Variants in FOXP1 observed in about 807,000 individuals in gnomAD.
FOXP1 encodes forkhead box P1.
Under a neutral mutation model 98.2 loss-of-function variants are expected in FOXP1, and 15 were observed. That is an observed-to-expected ratio of 0.15 (90% CI 0.10 to 0.24). The LOEUF (loss-of-function observed/expected upper bound fraction) is 0.24. Ranked by LOEUF, FOXP1 falls within the 10% of genes least tolerant of loss-of-function variation. The pLI, the probability that FOXP1 is intolerant of heterozygous loss-of-function variation, is 1.00. For synonymous variants in FOXP1, 371 were observed against 314.5 expected (o/e 1.18, Z -1.90); for missense variants, 633 against 848.5 (o/e 0.75, Z 3.15).
At chr3:71,524,092 C>T (rs190460067) in intron 2 of FOXP1, among the ~76,000 whole-genome samples, 1 of 152,298 alleles carries the variant, frequency 6.6e-6, no homozygotes, top group East Asian at 1.9e-4. Flanking sequence ...GGGACAGACA[C>T]TTTTCCAGAA....
At chr3:71,124,249 A>G (rs1385421009) in intron 6 of FOXP1, among the ~76,000 whole-genome samples, 1 of 151,590 alleles carries the variant, frequency 6.6e-6, no homozygotes, top group Non-Finnish European at 1.5e-5. Flanking sequence ...TAGTCGTTTG[A>G]CAGGCCCAAC....
chr3:71,013,198 T>TA (rs2043917763), intron 12 of FOXP1, among the ~76,000 whole-genome samples: 1 of 152,140 alleles, frequency 6.6e-6, no homozygotes, highest in African/African-American at 2.4e-5. Flanking sequence ...TAGAAATTGT[T>TA]ACTCCACTTT....
chr3:71,036,358 C>T (rs1181244779), intron 11 of FOXP1, among the ~76,000 whole-genome samples: 1 of 152,090 alleles, frequency 6.6e-6, no homozygotes, highest in Non-Finnish European at 1.5e-5. Context: ...TAATATGATA[C>T]CTCAAAAAAG....
At chr3:71,171,285 GA>G (rs1230783605) in intron 6 of FOXP1, among the ~76,000 whole-genome samples, 1 of 152,058 alleles carries the variant, frequency 6.6e-6, no homozygotes, top group Non-Finnish European at 1.5e-5. Context: ...TAGAAGAAAT[GA>G]AGTCCCCAGG....
chr3:71,374,076 C>G (rs1215267706), intron 3 of FOXP1, among the ~76,000 whole-genome samples: 1 of 152,012 alleles, frequency 6.6e-6, no homozygotes, highest in Non-Finnish European at 1.5e-5. Flanking sequence ...ACAAACTGTT[C>G]AATTAAGAAA....
At chr3:71,558,859 C>T (rs535710872) in intron 2 of FOXP1, among the ~76,000 whole-genome samples, 4 of 141,844 alleles carry the variant, frequency 2.8e-5, no homozygotes, top group South Asian at 2.2e-4. Context: ...CTGGAGTGCA[C>T]TGGTGCGATC....
chr3:71,316,711 G>A (rs113131436), intron 4 of FOXP1, among the ~76,000 whole-genome samples: 1 of 150,534 alleles, frequency 6.6e-6, no homozygotes, highest in Non-Finnish European at 1.5e-5. Context: ...AGGCTGGAGC[G>A]CAGTGGTGCG....
At chr3:71,047,768 G>A (rs1233175655) in intron 9 of FOXP1, among the ~76,000 whole-genome samples, 1 of 152,192 alleles carries the variant, frequency 6.6e-6, no homozygotes, top group African/African-American at 2.4e-5. Flanking sequence ...CATGGCTTTA[G>A]TCTCAGAAAC....
chr3:70,956,732 G>GTTTTTGTTTTT lies in FOXP1; in HGVS notation c.*2514_*2515insAAAAACAAAAA, dbSNP rs2031901100. The GTTTTTGTTTTT allele has an allele frequency of 3.1e-5, 1 of 32,686 alleles. No individual in the cohort carries two copies. The highest frequency in any genetic ancestry group is 4.9e-4 in the Admixed American group (1 of 2,028). The allele number at this position is 32,686 out of a possible 1,614,324, so 2.0% of individuals were successfully genotyped here. On this transcript the variant is annotated 3_prime_UTR_variant, in exon 21 of 21. Coordinates refer to ENST00000649528, the MANE Select transcript of FOXP1 (RefSeq NM_001349338.3). ...GCACATCATGAAGCTGCCTGGAAAA[G>GTTTTTGTTTTT]TTTTTTTTTTTTTTTTTTTTTTTTT...
At chr3:71,105,000 T>C (rs1284833734) in intron 7 of FOXP1, among the ~76,000 whole-genome samples, 1 of 152,256 alleles carries the variant, frequency 6.6e-6, no homozygotes, top group African/African-American at 2.4e-5. Flanking sequence ...GTTGTAGAGA[T>C]GCCTCATACC....
Position 71,116,939 on chromosome 3 carries a change from G to A in FOXP1, c.181-4302C>T, listed in dbSNP as rs562795184. ...GATCAGTGGAAAATGTGGAATGACT[G>A]ATGGGATCCCCTTTGGAATCTGTGT... On this transcript the variant is annotated intron_variant, in intron 6 of 20. Transcript: ENST00000649528. 3.3e-5 allele frequency among the ~76,000 whole-genome samples: 5 copies of A among 152,240 alleles called. No individual in the cohort carries two copies. In the East Asian group the frequency reaches 7.7e-4, roughly 23 times the overall value.
intron 17 of FOXP1, among the ~76,000 whole-genome samples, chr3:70,975,887 C>CCTGGGAATGAGGTAAGCCAT (rs1244403830): frequency 6.6e-6 from 1 of 152,078 alleles, no homozygotes; most frequent in Non-Finnish European, 1.5e-5. Context: ...CAGCTGCTGA[C>CCTGGGAATGAGGTAAGCCAT]CTGGGAATGA....
intron 4 of FOXP1, among the ~76,000 whole-genome samples, chr3:71,347,777 C>T (rs1313004092): frequency 1.3e-5 from 2 of 151,760 alleles, no homozygotes; most frequent in African/African-American, 2.4e-5. Flanking sequence ...TCCAGCTACT[C>T]GGAGGGCTGA....
chr3:71,021,056 T>C (rs1390281688), intron 11 of FOXP1, among the ~76,000 whole-genome samples: 2 of 152,244 alleles, frequency 1.3e-5, no homozygotes, highest in Non-Finnish European at 2.9e-5. Flanking sequence ...TACTGAGTTA[T>C]AGTTTACATA....
chr3:71,163,715 G>A (rs1560046566), intron 6 of FOXP1, among the ~76,000 whole-genome samples: 1 of 152,100 alleles, frequency 6.6e-6, no homozygotes, highest in Non-Finnish European at 1.5e-5. Context: ...TCATTCCTAT[G>A]TGTAAAATTC....
At chr3:71,183,825 A>G (rs2062478440) in intron 6 of FOXP1, among the ~76,000 whole-genome samples, 1 of 152,076 alleles carries the variant, frequency 6.6e-6, no homozygotes, top group Non-Finnish European at 1.5e-5. Context: ...AGAATAAAGT[A>G]CTTTAGGGGT....
chr3:71,315,697 A>G (rs2075036920), intron 4 of FOXP1, among the ~76,000 whole-genome samples: 3 of 152,316 alleles, frequency 2.0e-5, no homozygotes, highest in Admixed American at 6.5e-5. Context: ...CTCCCAATTC[A>G]TAGAGAAAAG....
chr3:71,482,839 T>G (rs898300413), intron 3 of FOXP1, among the ~76,000 whole-genome samples: 9 of 152,000 alleles, frequency 5.9e-5, no homozygotes, highest in African/African-American at 2.2e-4. Context: ...TGTCACTTTT[T>G]TTTTTTTTTA....
At position 71,062,204 on chromosome 3, in the gene FOXP1, C is replaced by T. The variant is rs2051606696; in HGVS notation, c.283-8431G>A. Among the ~76,000 whole-genome samples, 5 of 152,138 alleles carry T rather than the reference C, an allele frequency of 3.3e-5. No individual in the cohort carries two copies. The South Asian group carries it at 1.0e-3, about 31-fold the overall frequency. On this transcript the variant is annotated intron_variant, in intron 7 of 20. Coordinates refer to ENST00000649528, the MANE Select transcript of FOXP1 (RefSeq NM_001349338.3). ...AAGCTTTCTGATGATTTATGGTTTA[C>T]CAACTGAGCAGGGTTACGCAACACT...
Sources: allele counts gnomAD v4.1 joint callset (sites outside exome capture counted in the v4.1 genomes callset), GRCh38; gene constraint gnomAD v4.1.1; transcripts MANE v1.5; gene names NCBI Gene and HGNC (gene_info 2026-07-23, HGNC 2026-07-21).